KDM3A: variants seen among roughly 807,000 people sequenced by gnomAD.
KDM3A encodes the protein lysine-specific demethylase 3A.
In KDM3A, 60 loss-of-function variants were observed where a neutral mutation model predicts 158.0. That is an observed-to-expected ratio of 0.38 (90% CI 0.31 to 0.47). The LOEUF (loss-of-function observed/expected upper bound fraction) is 0.47, where lower values mean the gene tolerates loss of function less well. Among genes scored for constraint, KDM3A ranks in the 20% least tolerant of loss-of-function variants. The pLI is 0.99. For synonymous variants in KDM3A, 608 were observed against 549.3 expected (o/e 1.11, Z -1.49); for missense variants, 1,319 against 1,574.3 (o/e 0.84, Z 2.74).
chr2:86,463,570 T>C (rs1477751546), intron 8 of KDM3A, among the ~76,000 whole-genome samples: 4 of 152,222 alleles, frequency 2.6e-5, no homozygotes, highest in Non-Finnish European at 5.9e-5. Flanking sequence ...TCAACTTTTA[T>C]TGCATTGCAA....
At chr2:86,449,118 C>T (rs1347060178) in intron 2 of KDM3A, among the ~76,000 whole-genome samples, 6 of 152,150 alleles carry the variant, frequency 3.9e-5, no homozygotes. Context: ...GAAAACATTA[C>T]AATTACTTGG....
Position 86,478,162 on chromosome 2 carries a change from A to T in KDM3A, c.2093-8A>T. On this transcript the variant is annotated splice_region_variant and splice_polypyrimidine_tract_variant and intron_variant, in intron 13 of 25. Transcript: ENST00000312912. ...AAAGAACAGTTACTACAAATCAGTT[A>T]TTTGCAGGTGCTGCTTACAAGACTT... The T allele has an allele frequency of 1.2e-6, 2 of 1,613,104 alleles. No homozygotes were observed.
rs1573140264 is a variant in KDM3A, at chr2:86,447,004, G to T, written c.187-2803G>T. Among the ~76,000 whole-genome samples, 3 of 152,268 alleles carry T rather than the reference G, an allele frequency of 2.0e-5. No individual in the cohort carries two copies. The South Asian group carries it at 6.2e-4, about 32-fold the overall frequency. On this transcript the variant is annotated intron_variant, in intron 2 of 25. Coordinates refer to ENST00000312912, the MANE Select transcript of KDM3A (RefSeq NM_018433.6). ...TTTTTGTATTTTTTGTAGAGACGAA[G>T]TTTCCCCACGTTGCCTTGGCTGGTT...
At chr2:86,441,162 C>G (rs973415256), upstream of KDM3A, 2 of 152,416 alleles carry the variant, frequency 1.3e-5, no homozygotes, top group Non-Finnish European at 1.5e-5. Flanking sequence ...GGGGGTCGCC[C>G]GGGAGTCGGA....
upstream of KDM3A, among the ~76,000 whole-genome samples, chr2:86,438,763 G>A (rs571820054): frequency 8.7e-4 from 132 of 152,068 alleles, 1 homozygote; most frequent in Middle Eastern, 3.4e-3. Context: ...ATTACTGTAA[G>A]TTTTAATAAC....
chr2:86,492,212 C>G lies in KDM3A; in HGVS notation c.*93C>G, dbSNP rs1674493237. On this transcript the variant is annotated 3_prime_UTR_variant, in exon 26 of 26. Coordinates refer to ENST00000312912, the MANE Select transcript of KDM3A (RefSeq NM_018433.6). ...TTTGAGATTCATGTTACCTCATCTT[C>G]TTTTTTAAACTGTACCCAACTTGTG... 5.7e-6 allele frequency: 5 copies of G among 881,336 alleles called. No homozygotes were observed. The highest frequency in any genetic ancestry group is 4.3e-5 in the South Asian group (3 of 69,708). The allele number at this position is 881,336 out of a possible 1,614,324, so 54.6% of individuals were successfully genotyped here. A position where few individuals can be genotyped will look rare whatever the true frequency, so the allele number is the denominator to read the frequency against.
chr2:86,482,207 T>TTA, intron 17 of KDM3A, 105 bp downstream of exon 17: 1 of 1,330,026 alleles, frequency 7.5e-7, no homozygotes, highest in Non-Finnish European at 1.1e-6. Flanking sequence ...AATCACATAC[T>TTA]TACCTTTGTG....
upstream of KDM3A, chr2:86,440,607 G>A (rs1283162633): frequency 6.6e-6 from 1 of 152,094 alleles, no homozygotes; most frequent in Non-Finnish European, 1.5e-5. Flanking sequence ...ATTATACATT[G>A]TATTTAAAGG....
At chr2:86,465,163 A>G (rs1673081248) in intron 9 of KDM3A, among the ~76,000 whole-genome samples, 1 of 152,226 alleles carries the variant, frequency 6.6e-6, no homozygotes, top group African/African-American at 2.4e-5. Context: ...TTCTGGAGAA[A>G]GAACTCTAGG....
intron 8 of KDM3A, among the ~76,000 whole-genome samples, chr2:86,458,308 G>A (rs916681275): frequency 1.3e-5 from 2 of 152,318 alleles, no homozygotes; most frequent in East Asian, 3.9e-4. Context: ...TTCACCAAAA[G>A]CTTTGTAAAC....
At chr2:86,455,286 TC>T (rs2104640811) in intron 5 of KDM3A, 99 bp downstream of exon 5, 6 of 715,224 alleles carry the variant, frequency 8.4e-6, no homozygotes, top group South Asian at 1.8e-5. Flanking sequence ...CATGGAAATT[TC>T]TTTTTTCTTT....
intron 8 of KDM3A, among the ~76,000 whole-genome samples, chr2:86,457,347 C>G (rs908117240): frequency 6.6e-6 from 1 of 152,000 alleles, no homozygotes; most frequent in African/African-American, 2.4e-5. Flanking sequence ...GTTGACCAGA[C>G]TGGTCTTGAA....
intron 2 of KDM3A, among the ~76,000 whole-genome samples, chr2:86,446,691 C>T (rs1251399827): frequency 1.3e-5 from 2 of 152,186 alleles, no homozygotes; most frequent in Non-Finnish European, 2.9e-5. Flanking sequence ...GCTTGGGCAA[C>T]AGATTGAGAC....
Position 86,445,012 on chromosome 2 carries a change from C to T in KDM3A, c.186+2779C>T, listed in dbSNP as rs150814853. On this transcript the variant is annotated intron_variant, in intron 2 of 25. Coordinates refer to ENST00000312912, the MANE Select transcript of KDM3A (RefSeq NM_018433.6). ...TATGTGGCGATTACTTCATTTAATC[C>T]TCACAAATATCCTAGATGGTAAACT... 3.5e-3 allele frequency among the ~76,000 whole-genome samples: 537 copies of T among 151,710 alleles called. 5 individuals are homozygous for T. The highest frequency in any genetic ancestry group is 0.012 in the African/African-American group (501 of 41,366).
chr2:86,477,868 T>C lies in KDM3A; in HGVS notation c.1940-9T>C, dbSNP rs1452329161. On this transcript the variant is annotated splice_polypyrimidine_tract_variant and intron_variant, in intron 12 of 25. Coordinates refer to ENST00000312912, the MANE Select transcript of KDM3A (RefSeq NM_018433.6). ...TTCCAAAGACTAAGTGATTTACTGA[T>C]TTTTGCAGGACAGGTTGCTTGGAAG... 9 of 1,588,302 alleles carry C rather than the reference T, an allele frequency of 5.7e-6. No individual in the cohort carries two copies. Among genetic ancestry groups the C allele is most frequent in the Non-Finnish European group, 7.7e-6 (9 of 1,164,248 alleles).
Position 86,485,041 on chromosome 2 carries a change from A to T in KDM3A, c.3182+12A>T, listed in dbSNP as rs1218475509. On this transcript the variant is annotated intron_variant, in intron 20 of 25. Transcript: ENST00000312912. ...ATGATGCCTTCCAGGTATGATTATGAAGGTGGGGAGAGATGATTCTGTCCT... is the reference window on the plus strand; with the variant it reads ...ATGATGCCTTCCAGGTATGATTATGTAGGTGGGGAGAGATGATTCTGTCCT... The T allele has an allele frequency of 2.1e-6, 3 of 1,437,650 alleles. No homozygotes were observed. In the African/African-American group the frequency reaches 4.2e-5, roughly 20 times the overall value. The allele number at this position is 1,437,650 out of a possible 1,614,324, so 89.1% of individuals were successfully genotyped here. A position where few individuals can be genotyped will look rare whatever the true frequency, so the allele number is the denominator to read the frequency against.
rs1308800019 is a variant in KDM3A, at chr2:86,490,645, T to TA, written c.3574-235dup. On this transcript the variant is annotated intron_variant, in intron 23 of 25. Transcript: ENST00000312912. ...TGTTTAAATACAGTATTTACAAACT[T>TA]ATGCAGAGCCTGTCAGTCATGGTTT... 2.6e-5 allele frequency: 11 copies of TA among 423,814 alleles called. No homozygotes were observed. The South Asian group carries it at 4.3e-4, about 16-fold the overall frequency. The allele number at this position is 423,814 out of a possible 1,614,324, so 26.3% of individuals were successfully genotyped here.
At chr2:86,487,202 C>T (rs761792412) in intron 21 of KDM3A, 2 of 152,168 alleles carry the variant, frequency 1.3e-5, no homozygotes, top group African/African-American at 4.8e-5. Context: ...GAATTGCTTG[C>T]GTGGTTTAAC....
intron 12 of KDM3A, among the ~76,000 whole-genome samples, chr2:86,476,925 C>T (rs539501043): frequency 1.3e-5 from 2 of 152,166 alleles, no homozygotes; most frequent in African/African-American, 4.8e-5. Context: ...CAGCTTTGAT[C>T]CAGTGTTGTT....
Sources: gnomAD v4.1 joint callset for allele counts (sites outside exome capture counted in the v4.1 genomes callset) on GRCh38, gnomAD v4.1.1 for gene constraint, MANE v1.5 for transcripts, NCBI Gene and HGNC (gene_info 2026-07-23, HGNC 2026-07-21) for gene names.